The following PTPRD variants were observed in gnomAD, a reference collection of about 807,000 sequenced individuals.
The protein encoded by PTPRD is protein tyrosine phosphatase receptor type D.
A neutral mutation model predicts 214.5 loss-of-function variants in PTPRD; 34 were observed. That is an observed-to-expected ratio of 0.16 (90% CI 0.12 to 0.21). The LOEUF (loss-of-function observed/expected upper bound fraction) is 0.21. PTPRD is among the 10% of genes least tolerant of loss of function. The pLI, the probability that PTPRD is intolerant of heterozygous loss-of-function variation, is 1.00. For synonymous variants in PTPRD, 1,128 were observed against 845.7 expected, an observed-to-expected ratio of 1.33 and a Z score of -5.79; for missense variants, 2,545 against 2,398.7, an observed-to-expected ratio of 1.06 and a Z score of -1.27.
intron 11 of PTPRD, among the ~76,000 whole-genome samples, chr9:9,017,130 T>C (rs1373172199): frequency 6.6e-6 from 1 of 152,052 alleles, no homozygotes; most frequent in Non-Finnish European, 1.5e-5. Flanking sequence ...CAAAGACCCT[T>C]TGTTGCGATG....
At chr9:8,539,828 A>T (rs907342677) in intron 14 of PTPRD, among the ~76,000 whole-genome samples, 1 of 152,130 alleles carries the variant, frequency 6.6e-6, no homozygotes, top group Non-Finnish European at 1.5e-5. Flanking sequence ...ACAAAATACA[A>T]TTCTGAACTG....
chr9:8,688,623 T>G (rs774624480), intron 12 of PTPRD, among the ~76,000 whole-genome samples: 1 of 150,362 alleles, frequency 6.7e-6, no homozygotes, highest in Admixed American at 6.6e-5. Flanking sequence ...CAATAAGTTA[T>G]AAAAAAAGAA....
intron 35 of PTPRD, among the ~76,000 whole-genome samples, chr9:8,407,174 G>A (rs1331861521): frequency 6.6e-6 from 1 of 152,086 alleles, no homozygotes; most frequent in Non-Finnish European, 1.5e-5. Flanking sequence ...TAGATAATAC[G>A]CTTAGGTTCA....
chr9:9,137,594 T>C (rs369319021), intron 10 of PTPRD, among the ~76,000 whole-genome samples: 9 of 152,196 alleles, frequency 5.9e-5, no homozygotes, highest in African/African-American at 2.2e-4. Flanking sequence ...TGAACTTCTT[T>C]ATGAAATGTG....
At chr9:10,186,049 C>A (rs910862403) in intron 3 of PTPRD, among the ~76,000 whole-genome samples, 5 of 151,788 alleles carry the variant, frequency 3.3e-5, no homozygotes, top group African/African-American at 1.2e-4. Flanking sequence ...CCAGAACATG[C>A]ACAGTGGTAG....
At chr9:9,677,206 G>A (rs1015434993) in intron 7 of PTPRD, among the ~76,000 whole-genome samples, 1 of 152,078 alleles carries the variant, frequency 6.6e-6, no homozygotes, top group African/African-American at 2.4e-5. Context: ...CCTTGCCCAT[G>A]CCTATGTCCT....
intron 8 of PTPRD, among the ~76,000 whole-genome samples, chr9:9,455,299 A>T (rs1047663168): frequency 1.3e-5 from 2 of 151,602 alleles, no homozygotes; most frequent in South Asian, 2.1e-4. Flanking sequence ...ATTAATTTTT[A>T]AAAATATTAA....
At chr9:9,123,586 G>C (rs1331003011) in intron 10 of PTPRD, among the ~76,000 whole-genome samples, 9 of 152,116 alleles carry the variant, frequency 5.9e-5, no homozygotes, top group African/African-American at 2.2e-4. Context: ...CATGTTGTTA[G>C]CAAAGTAACC....
intron 11 of PTPRD, among the ~76,000 whole-genome samples, chr9:8,745,555 G>C (rs2092698691): frequency 6.6e-6 from 1 of 152,078 alleles, no homozygotes; most frequent in Non-Finnish European, 1.5e-5. Context: ...TATCCTATGA[G>C]TCAAAAATTT....
intron 18 of PTPRD, among the ~76,000 whole-genome samples, chr9:8,524,600 A>G (rs2139150994): frequency 6.6e-6 from 1 of 152,252 alleles, no homozygotes; most frequent in Admixed American, 6.5e-5. Flanking sequence ...GAAACAACAG[A>G]AAAAAAGAGA....
At chr9:9,722,150 C>T (rs1276434900) in intron 7 of PTPRD, among the ~76,000 whole-genome samples, 1 of 151,888 alleles carries the variant, frequency 6.6e-6, no homozygotes, top group Non-Finnish European at 1.5e-5. Flanking sequence ...TTTTTGTTAA[C>T]TCACAAAGTT....
At chr9:10,087,747 C>A (rs2098370810) in intron 3 of PTPRD, among the ~76,000 whole-genome samples, 1 of 151,592 alleles carries the variant, frequency 6.6e-6, no homozygotes, top group South Asian at 2.1e-4. Flanking sequence ...AATATTGCAA[C>A]AATTATTATG....
rs150935672 is a variant in PTPRD, at chr9:10,189,310, T to C, written c.-545+151653A>G. Among the ~76,000 whole-genome samples, 656 of 152,238 alleles carry C rather than the reference T, an allele frequency of 4.3e-3. 2 individuals are homozygous for C. The highest frequency in any genetic ancestry group is 0.015 in the African/African-American group (631 of 41,546). On this transcript the variant is annotated intron_variant, in intron 3 of 45. Coordinates refer to ENST00000381196, the MANE Select transcript of PTPRD (RefSeq NM_002839.4). ...AGGAGGAAACATGTTCTCATAAACA[T>C]ATGTGGAGTTGGTGCTGGCTGAGTT... is the stretch of plus-strand genomic sequence containing the variant.
intron 14 of PTPRD, among the ~76,000 whole-genome samples, chr9:8,579,882 G>A (rs541232397): frequency 5.3e-5 from 8 of 152,290 alleles, no homozygotes; most frequent in Admixed American, 2.0e-4. Context: ...GCAAGTGGAA[G>A]CCTGGTGACC....
intron 11 of PTPRD, among the ~76,000 whole-genome samples, chr9:8,800,487 C>T (rs2096549481): frequency 6.6e-6 from 1 of 152,142 alleles, no homozygotes; most frequent in African/African-American, 2.4e-5. Flanking sequence ...GAAATCCCAC[C>T]AAAACCAAGA....
intron 10 of PTPRD, among the ~76,000 whole-genome samples, chr9:9,028,074 G>T (rs959626326): frequency 6.6e-6 from 1 of 151,868 alleles, no homozygotes; most frequent in African/African-American, 2.4e-5. Context: ...CCCTGACAAA[G>T]CATTTGCCAC....
At chr9:8,533,373 A>G (rs2076182658) in intron 14 of PTPRD, among the ~76,000 whole-genome samples, 1 of 152,076 alleles carries the variant, frequency 6.6e-6, no homozygotes, top group Admixed American at 6.6e-5. Flanking sequence ...TGGTATTGGG[A>G]AAAATCCCAA....
intron 3 of PTPRD, among the ~76,000 whole-genome samples, chr9:10,298,129 A>C (rs187819129): frequency 1.3e-5 from 2 of 152,260 alleles, no homozygotes; most frequent in Non-Finnish European, 2.9e-5. Flanking sequence ...TAATAAAAAC[A>C]TATATCATGA....
intron 3 of PTPRD, among the ~76,000 whole-genome samples, chr9:10,227,562 G>A (rs2099593050): frequency 6.6e-6 from 1 of 151,836 alleles, no homozygotes; most frequent in Non-Finnish European, 1.5e-5. Context: ...TCTACTTCCA[G>A]GCTAGATAAG....
Sources: gnomAD v4.1 joint callset for allele counts (sites outside exome capture counted in the v4.1 genomes callset) on GRCh38, gnomAD v4.1.1 for gene constraint, MANE v1.5 for transcripts, NCBI Gene and HGNC (gene_info 2026-07-23, HGNC 2026-07-21) for gene names.